FLT1: variants seen among roughly 807,000 people sequenced by gnomAD.
FLT1 encodes the protein vascular endothelial growth factor receptor 1.
Under a neutral mutation model 156.3 loss-of-function variants are expected in FLT1, and 49 were observed. The ratio of observed to expected loss-of-function variants is 0.31; its 90% CI spans 0.25 to 0.40. The LOEUF (loss-of-function observed/expected upper bound fraction) is 0.40. FLT1 is among the 10% of genes least tolerant of loss of function. The pLI is 1.00. For missense variants in FLT1, 1,322 were observed against 1,637.2 expected (o/e 0.81, Z 3.32); for synonymous variants, 594 against 583.8 (o/e 1.02, Z -0.25).
At chr13:28,494,757 C>A in intron 1 of FLT1, 23 bp downstream of exon 1, 1 of 1,543,132 alleles carries the variant, frequency 6.5e-7, no homozygotes, top group Non-Finnish European at 8.7e-7. Flanking sequence ...CGCCTCAGGC[C>A]CCGGCCCCCA....
Position 28,317,594 on chromosome 13 carries a change from C to G in FLT1, c.3290G>C (p.Gly1097Ala). ...CATTTGTACTCCTGGGTATGGAGAC[C>G]CACCTGCGGGAGACAATGTGGAAAA... ...VLLWEIFSLG[G>A]SPYPGVQMDE... Residue 1097 changes from glycine (G) to alanine (A), a missense_variant, in exon 25 of 30, where the codon GGG becomes GCG. By Grantham distance (60) the Gly-to-Ala change is moderately conservative. This residue lies in a region of FLT1 where 329 missense variants were observed against 366.2 expected (regional missense o/e 0.90). Coordinates refer to ENST00000282397, the MANE Select transcript of FLT1 (RefSeq NM_002019.4). The G allele has an allele frequency of 6.2e-7, 1 of 1,609,748 alleles. No homozygotes were observed. Among genetic ancestry groups the G allele is most frequent in the African/African-American group, 1.3e-5 (1 of 74,950 alleles).
chr13:28,329,290 T>C (rs749429892), intron 19 of FLT1, among the ~76,000 whole-genome samples: 1 of 152,212 alleles, frequency 6.6e-6, no homozygotes, highest in Non-Finnish European at 1.5e-5. Flanking sequence ...TCAAGGAATA[T>C]GCAACCTTCT....
At chr13:28,403,309 C>T (rs1303128852) in intron 11 of FLT1, among the ~76,000 whole-genome samples, 2 of 152,128 alleles carry the variant, frequency 1.3e-5, no homozygotes, top group African/African-American at 2.4e-5. Context: ...AAATCTTCTG[C>T]GTAACTGTAA....
intron 15 of FLT1, among the ~76,000 whole-genome samples, chr13:28,350,016 T>G (rs1346981136): frequency 2.0e-5 from 3 of 152,220 alleles, no homozygotes; most frequent in Non-Finnish European, 4.4e-5. Context: ...CTGACTGAAG[T>G]GAACCCTTAG....
chr13:28,390,092 C>G lies in FLT1; in HGVS notation c.1673G>C (p.Gly558Ala). The stretch of plus-strand genomic sequence containing the variant: ...CATTTTTTCCAAGTTAACATGAAAC[C>G]CATTTGGCACATCTATAAAATAAGA... ...ISFYITDVPN[G>A]FHVNLEKMPT... Residue 558 changes from glycine (G) to alanine (A), a missense_variant, in exon 13 of 30, where the codon GGG becomes GCG. Gly to Ala is a moderately conservative substitution (Grantham distance 60). Transcript: ENST00000282397. 6.2e-7 allele frequency: 1 copy of G among 1,613,418 alleles called. No homozygotes were observed. The highest frequency in any genetic ancestry group is 8.5e-7 in the Non-Finnish European group (1 of 1,179,396).
intron 15 of FLT1, among the ~76,000 whole-genome samples, chr13:28,352,279 CT>C (rs1872755287): frequency 6.6e-6 from 1 of 152,102 alleles, no homozygotes; most frequent in Non-Finnish European, 1.5e-5. Context: ...TTCCTTGTAC[CT>C]GTAGGATTAT....
intron 14 of FLT1, among the ~76,000 whole-genome samples, chr13:28,373,320 G>C (rs901094925): frequency 6.6e-6 from 1 of 152,162 alleles, no homozygotes; most frequent in Non-Finnish European, 1.5e-5. Context: ...CTTGGTAGCA[G>C]GAGATTATAT....
chr13:28,451,601 A>G (rs528178202), intron 3 of FLT1, among the ~76,000 whole-genome samples: 10 of 148,504 alleles, frequency 6.7e-5, no homozygotes, highest in Non-Finnish European at 1.3e-4. Flanking sequence ...TTCCATCAGC[A>G]TAGCTGTGTG....
At chr13:28,409,677 A>G (rs1028181394) in intron 10 of FLT1, among the ~76,000 whole-genome samples, 1 of 152,100 alleles carries the variant, frequency 6.6e-6, no homozygotes, top group Non-Finnish European at 1.5e-5. Context: ...CAGAATTTGT[A>G]CTCAGTTCTG....
intron 3 of FLT1, among the ~76,000 whole-genome samples, chr13:28,466,138 A>C (rs1460062166): frequency 6.6e-6 from 1 of 152,142 alleles, no homozygotes; most frequent in Non-Finnish European, 1.5e-5. Flanking sequence ...AGAAAGTGAC[A>C]GGCCATTTTT....
In FLT1 at chr13:28,384,862, T is replaced by C. The variant is rs202066734; in HGVS notation, c.2116+23A>G. 4.5e-5 allele frequency: 73 copies of C among 1,610,870 alleles called. No individual in the cohort carries two copies. In the African/African-American group the frequency reaches 8.4e-4, roughly 19 times the overall value. On this transcript the variant is annotated intron_variant, in intron 14 of 29. Transcript: ENST00000282397. ...CTGATGAAAGATGAGAAATAATAAA[T>C]GGAAGAAAAAAAAGTCTCTTACCAG...
chr13:28,492,717 A>G (rs1287483687), intron 1 of FLT1, among the ~76,000 whole-genome samples: 1 of 152,208 alleles, frequency 6.6e-6, no homozygotes, highest in African/African-American at 2.4e-5. Flanking sequence ...CTTCCCGGAT[A>G]TGCAGCCTCT....
chr13:28,462,344 A>G (rs910774273), intron 3 of FLT1, among the ~76,000 whole-genome samples: 1 of 152,230 alleles, frequency 6.6e-6, no homozygotes, highest in African/African-American at 2.4e-5. Context: ...TGTGTACACC[A>G]GAGTGTCAGA....
At chr13:28,481,963 T>C (rs1240767351) in intron 1 of FLT1, among the ~76,000 whole-genome samples, 1 of 152,226 alleles carries the variant, frequency 6.6e-6, no homozygotes, top group Admixed American at 6.5e-5. Flanking sequence ...TAAAATATAA[T>C]GGATTACTTG....
chr13:28,492,467 AGAATGTCTG>A (rs1881523883), intron 1 of FLT1, among the ~76,000 whole-genome samples: 3 of 152,222 alleles, frequency 2.0e-5, no homozygotes, highest in African/African-American at 4.8e-5. Context: ...TTTATTTCCC[AGAATGTCTG>A]GAAGAGGTAA....
At chr13:28,408,024 AG>A (rs1701702819) in intron 10 of FLT1, among the ~76,000 whole-genome samples, 1 of 152,180 alleles carries the variant, frequency 6.6e-6, no homozygotes, top group Non-Finnish European at 1.5e-5. Flanking sequence ...GTGTATACCT[AG>A]ATTAGACATT....
At chr13:28,459,038 G>T (rs1879419330) in intron 3 of FLT1, among the ~76,000 whole-genome samples, 1 of 152,312 alleles carries the variant, frequency 6.6e-6, no homozygotes, top group Middle Eastern at 3.4e-3. Context: ...AGCAAAACCT[G>T]ACCTTGCACT....
At chr13:28,326,670 C>T (rs1391754824) in intron 20 of FLT1, among the ~76,000 whole-genome samples, 3 of 151,868 alleles carry the variant, frequency 2.0e-5, no homozygotes, top group African/African-American at 4.8e-5. Context: ...GGATTACAGG[C>T]GCGGGCCACC....
chr13:28,406,844 C>A (rs984256381), intron 10 of FLT1, among the ~76,000 whole-genome samples: 2 of 151,940 alleles, frequency 1.3e-5, no homozygotes, highest in Non-Finnish European at 2.9e-5. Context: ...CTTTAGCAGC[C>A]AAGAGCAGGA....
Sources: gnomAD v4.1 joint callset for allele counts (sites outside exome capture counted in the v4.1 genomes callset) on GRCh38, gnomAD v4.1.1 for gene constraint, gnomAD v4.1.1 regional missense constraint, MANE v1.5 for transcripts, NCBI Gene and HGNC (gene_info 2026-07-23, HGNC 2026-07-21) for gene names.